The following BRI3BP variants were observed in gnomAD, a reference collection of about 807,000 sequenced individuals.
The protein encoded by BRI3BP is BRI3-binding protein.
Under a neutral mutation model 15.8 loss-of-function variants are expected in BRI3BP, and 7 were observed. That is an observed-to-expected ratio of 0.44 (90% CI 0.25 to 0.83). The LOEUF (loss-of-function observed/expected upper bound fraction) is 0.83, where lower values mean the gene tolerates loss of function less well. BRI3BP is among the 40% of genes least tolerant of loss of function. The pLI, the probability that BRI3BP is intolerant of heterozygous loss-of-function variation, is 0.20. For synonymous variants in BRI3BP, 192 were observed against 163.5 expected (o/e 1.17, Z -1.33); for missense variants, 320 against 339.3 (o/e 0.94, Z 0.45).
chr12:125,016,990 C>G (rs1955251324), intron 2 of BRI3BP, among the ~76,000 whole-genome samples: 1 of 151,152 alleles, frequency 6.6e-6, no homozygotes, highest in Admixed American at 6.6e-5. Context: ...TGTGCACCAC[C>G]ACATCTGGCT....
chr12:125,015,542 G>A (rs1224251853), intron 2 of BRI3BP, among the ~76,000 whole-genome samples: 1 of 152,102 alleles, frequency 6.6e-6, no homozygotes, highest in African/African-American at 2.4e-5. Flanking sequence ...GTAGTGGTTT[G>A]TTGCGGCAGT....
chr12:125,004,617 G>A (rs1269051670), intron 1 of BRI3BP, among the ~76,000 whole-genome samples: 4 of 152,166 alleles, frequency 2.6e-5, no homozygotes, highest in African/African-American at 9.6e-5. Context: ...CATTATTAAC[G>A]TTGTATATTC....
In BRI3BP at chr12:124,993,845, C is replaced by CTGT. The variant is rs1955016347; in HGVS notation, c.57_58insTTG (p.Leu25dup). Reference sequence around the variant, plus strand: ...GGCCCGGGCCGGGCTCCTGCTGCTGCTGCTGCTGCTGCTGCTGCTCGGGCT... The same window carrying CTGT: ...GGCCCGGGCCGGGCTCCTGCTGCTGCTGTTGCTGCTGCTGCTGCTGCTCGGGCT... On this transcript the variant is annotated inframe_insertion, in exon 1 of 3. Transcript: ENST00000341446. The CTGT allele has an allele frequency of 1.1e-5, 13 of 1,195,544 alleles. No homozygotes were observed. The highest frequency in any genetic ancestry group is 8.6e-5 in the South Asian group (3 of 34,872). The allele number at this position is 1,195,544 out of a possible 1,614,324, so 74.1% of individuals were successfully genotyped here. A position where few individuals can be genotyped will look rare whatever the true frequency, so the allele number is the denominator to read the frequency against.
intron 1 of BRI3BP, among the ~76,000 whole-genome samples, chr12:125,011,067 C>T (rs544205811): frequency 1.4e-3 from 199 of 139,690 alleles, no homozygotes; most frequent in Middle Eastern, 3.6e-3. Context: ...GCACTCCAGC[C>T]GGAGTGACAG....
At chr12:125,017,591 C>G (rs77464513) in intron 2 of BRI3BP, among the ~76,000 whole-genome samples, 2 of 152,138 alleles carry the variant, frequency 1.3e-5, no homozygotes, top group Non-Finnish European at 2.9e-5. Context: ...ACACTTAGAG[C>G]GCACATCAGT....
chr12:125,022,537 A>ATTTTTTTT (rs1391143992), intron 2 of BRI3BP, among the ~76,000 whole-genome samples: 17 of 70,622 alleles, frequency 2.4e-4, no homozygotes, highest in African/African-American at 1.0e-3. Context: ...TTATTTATTT[A>ATTTTTTTT]TTTATTTTTT....
chr12:125,050,237 C>G, the BRI3BP span, among the ~76,000 whole-genome samples: 3 of 151,868 alleles, frequency 2.0e-5, no homozygotes, highest in Non-Finnish European at 4.4e-5. Flanking sequence ...GTAGTCCCAG[C>G]TACTCCAGAG....
At chr12:125,034,576 G>A (rs572008981), downstream of BRI3BP, among the ~76,000 whole-genome samples, 1 of 151,886 alleles carries the variant, frequency 6.6e-6, no homozygotes, top group South Asian at 2.1e-4. Flanking sequence ...TCTGTCACTA[G>A]ACATTAGTTT....
chr12:124,996,340 C>G (rs1955040774), intron 1 of BRI3BP, among the ~76,000 whole-genome samples: 1 of 152,178 alleles, frequency 6.6e-6, no homozygotes, highest in Non-Finnish European at 1.5e-5. Context: ...GACTCTTACT[C>G]TGTCACCCAG....
At chr12:125,017,183 C>G (rs1453107475) in intron 2 of BRI3BP, among the ~76,000 whole-genome samples, 1 of 151,178 alleles carries the variant, frequency 6.6e-6, no homozygotes, top group East Asian at 2.0e-4. Flanking sequence ...CCATGCCTGG[C>G]TAATTTTTGT....
the BRI3BP span, among the ~76,000 whole-genome samples, chr12:125,049,759 C>G: frequency 0.014 from 2,069 of 152,332 alleles, 43 homozygotes; most frequent in African/African-American, 0.048. Flanking sequence ...ACGCGGAGGC[C>G]TGGGCCGATG....
intron 2 of BRI3BP, among the ~76,000 whole-genome samples, chr12:125,016,562 A>G (rs1181587977): frequency 2.0e-5 from 3 of 151,806 alleles, no homozygotes; most frequent in East Asian, 1.9e-4. Context: ...GTCTCACTCT[A>G]TTGCCCAAGC....
chr12:125,050,973 C>T, the BRI3BP span, among the ~76,000 whole-genome samples: 1 of 152,176 alleles, frequency 6.6e-6, no homozygotes, highest in Non-Finnish European at 1.5e-5. Context: ...ATCCTTTTCT[C>T]CAGAAGCCTG....
the BRI3BP span, among the ~76,000 whole-genome samples, chr12:125,048,871 C>T: frequency 6.6e-6 from 1 of 152,232 alleles, no homozygotes; most frequent in South Asian, 2.1e-4. Context: ...CCTCTGCTCA[C>T]CCCATAGCCA....
At chr12:125,043,080 A>C in the BRI3BP span, among the ~76,000 whole-genome samples, 1 of 151,986 alleles carries the variant, frequency 6.6e-6, no homozygotes, top group East Asian at 1.9e-4. Flanking sequence ...AAAAAAAAAA[A>C]CACTTCACTT....
chr12:125,008,527 T>C, intron 1 of BRI3BP, among the ~76,000 whole-genome samples: 1 of 151,880 alleles, frequency 6.6e-6, no homozygotes, highest in Non-Finnish European at 1.5e-5. Flanking sequence ...TTAGCCAGGA[T>C]GGTCTAGATC....
Position 125,028,814 on chromosome 12 carries a change from C to T in BRI3BP, c.*3384C>T, listed in dbSNP as rs918175115. 2.3e-4 allele frequency: 35 copies of T among 152,270 alleles called. No homozygotes were observed. The highest frequency in any genetic ancestry group is 7.9e-4 in the African/African-American group (33 of 41,558). 9.4% of individuals were successfully genotyped at this position (152,270 alleles called of 1,614,324 possible). A position where few individuals can be genotyped will look rare whatever the true frequency, so the allele number is the denominator to read the frequency against. Reference sequence around the variant, plus strand: ...GTAGGGTGTTGGGATTGGGCCTCCCCTCGCCACCCGCCACATGTCTTTGTT... The same window carrying T: ...GTAGGGTGTTGGGATTGGGCCTCCCTTCGCCACCCGCCACATGTCTTTGTT... On this transcript the variant is annotated 3_prime_UTR_variant, in exon 3 of 3. Transcript: ENST00000341446.
rs71092263 is a variant in BRI3BP at position 125,019,953 on chromosome 12, C to CTTT, written c.317-5016_317-5014dup. Among the ~76,000 whole-genome samples, 122 of 75,068 alleles carry CTTT rather than the reference C, an allele frequency of 1.6e-3. 2 individuals are homozygous for CTTT. Among genetic ancestry groups the CTTT allele is most frequent in the Non-Finnish European group, 2.0e-3 (85 of 42,252 alleles). 49.2% of individuals were successfully genotyped at this position (75,068 alleles called of 152,430 possible). On this transcript the variant is annotated intron_variant, in intron 2 of 2. Transcript: ENST00000341446. ...GACTGTGTGGCTTATCAACAACAGA[C>CTTT]TTTTTTTTTTTTTTTTTTTTTTTTG...
chr12:125,000,319 T>TG (rs1565901625), intron 1 of BRI3BP, among the ~76,000 whole-genome samples: 7 of 128,360 alleles, frequency 5.5e-5, no homozygotes, highest in Non-Finnish European at 1.0e-4. Flanking sequence ...TTTTTTTTTT[T>TG]TTTTTTTTTT....
Sources: allele counts gnomAD v4.1 joint callset (sites outside exome capture counted in the v4.1 genomes callset), GRCh38; gene constraint gnomAD v4.1.1; transcripts MANE v1.5; gene names NCBI Gene and HGNC (gene_info 2026-07-23, HGNC 2026-07-21).